ZNF276: variants seen among roughly 807,000 people sequenced by gnomAD.
ZNF276 encodes centromere protein Z.
In ZNF276, 59 loss-of-function variants were observed where a neutral mutation model predicts 63.9. That is an observed-to-expected ratio of 0.92 (90% CI 0.75 to 1.15). ZNF276 has a LOEUF of 1.15. Ranked by LOEUF, ZNF276 falls within the 50% of genes most tolerant of loss-of-function variation. The pLI is 0.00. For synonymous variants in ZNF276, 496 were observed against 348.4 expected (o/e 1.42, Z -4.72); for missense variants, 1,084 against 843.8 (o/e 1.28, Z -3.53).
chr16:89,730,567 G>A (rs2151683906), intron 6 of ZNF276, among the ~76,000 whole-genome samples: 1 of 152,274 alleles, frequency 6.6e-6, no homozygotes, highest in Non-Finnish European at 1.5e-5. Flanking sequence ...TAGTCCCTCT[G>A]GGACCCCAGG....
chr16:89,739,330 G>C lies in ZNF276; in HGVS notation c.*1084G>C, dbSNP rs2062061925. On this transcript the variant is annotated 3_prime_UTR_variant, in exon 11 of 11. Coordinates refer to ENST00000443381, the MANE Select transcript of ZNF276 (RefSeq NM_001113525.2). Reference sequence around the variant, plus strand: ...TAGTGACAAATGGCTACAGACTGCTGGAAAGGTAGCAGGTGATGCCAAGGG... The same window carrying C: ...TAGTGACAAATGGCTACAGACTGCTCGAAAGGTAGCAGGTGATGCCAAGGG... 1 of 1,612,204 alleles carries C rather than the reference G, an allele frequency of 6.2e-7. No individual in the cohort carries two copies. The highest frequency in any genetic ancestry group is 1.3e-5 in the African/African-American group (1 of 74,908).
intron 9 of ZNF276, 135 bp downstream of exon 9, chr16:89,734,173 A>G (rs1749677302): frequency 2.8e-6 from 2 of 710,830 alleles, no homozygotes; most frequent in Non-Finnish European, 4.7e-6. Context: ...TTTGGTACTC[A>G]GTCACGTTGG....
At chr16:89,727,474 CCAAA>C (rs2061502645) in intron 5 of ZNF276, 117 bp downstream of exon 5, 11 of 1,209,534 alleles carry the variant, frequency 9.1e-6, no homozygotes, top group Non-Finnish European at 1.3e-5. Context: ...CCTTCAAAAA[CCAAA>C]CAGCCATCGT....
intron 9 of ZNF276, among the ~76,000 whole-genome samples, chr16:89,736,363 C>T (rs112186679): frequency 4.1e-5 from 6 of 147,994 alleles, no homozygotes; most frequent in East Asian, 2.0e-4. Flanking sequence ...CAGTCTGTGT[C>T]GCCCAGCCTG....
Position 89,739,237 on chromosome 16 carries a change from G to A in ZNF276, c.*991G>A, listed in dbSNP as rs1233684652. 6.2e-7 allele frequency: 1 copy of A among 1,614,170 alleles called. No homozygotes were observed. Among genetic ancestry groups the A allele is most frequent in the Non-Finnish European group, 8.5e-7 (1 of 1,180,042 alleles). On this transcript the variant is annotated 3_prime_UTR_variant, in exon 11 of 11. Coordinates refer to ENST00000443381, the MANE Select transcript of ZNF276 (RefSeq NM_001113525.2). ...TTCAAGTACATGTCCACAGCAACAT[G>A]CAGGAAGGCCTCTTCCCTGATGGCC...
Position 89,733,376 on chromosome 16 carries a change from C to G in ZNF276, c.1244C>G (p.Pro415Arg), listed in dbSNP as rs763778788. Residue 415 changes from proline (P) to arginine (R), a missense_variant, in exon 7 of 11, where the codon CCC (proline) becomes CGC (arginine). Coordinates refer to ENST00000443381, the MANE Select transcript of ZNF276 (RefSeq NM_001113525.2). The stretch of plus-strand genomic sequence containing the variant: ...CCAAGAATTCGGAAGAAGCCGGGAC[C>G]CAAGCCCGGATGGAAGAAGAAGCTT... ...EEPRIRKKPG[P>R]KPGWKKKLRC... 1 of 1,614,142 alleles carries G rather than the reference C, an allele frequency of 6.2e-7. No individual in the cohort carries two copies. Among genetic ancestry groups the G allele is most frequent in the South Asian group, 1.1e-5 (1 of 91,082 alleles).
intron 9 of ZNF276, among the ~76,000 whole-genome samples, chr16:89,735,652 C>T (rs564346127): frequency 6.6e-6 from 1 of 152,224 alleles, no homozygotes; most frequent in East Asian, 1.9e-4. Flanking sequence ...AGTAGGATTG[C>T]TTGAGGCCAG....
intron 5 of ZNF276, 82 bp from the exon 6 acceptor site, chr16:89,729,153 G>C (rs1197683669): frequency 7.3e-6 from 8 of 1,093,082 alleles, no homozygotes; most frequent in Non-Finnish European, 1.1e-5. Context: ...GGGTCCATTT[G>C]GTATCTTTAG....
Position 89,733,047 on chromosome 16 carries a change from GCGCCCT to G in ZNF276, c.1170-247_1170-242del, listed in dbSNP as rs896878122. On this transcript the variant is annotated intron_variant, in intron 6 of 10. Transcript: ENST00000443381. Reference sequence around the variant, plus strand: ...GTTTGCCCTGACCCTGCTGTACCCTGCGCCCTCGCCCTCTGCTGTGTTCACCCCTGA... The same window carrying G: ...GTTTGCCCTGACCCTGCTGTACCCTGCGCCCTCTGCTGTGTTCACCCCTGA... The G allele has an allele frequency of 1.5e-4, 71 of 482,164 alleles. 1 individual carries two copies. The highest frequency in any genetic ancestry group is 2.1e-4 in the Non-Finnish European group (57 of 265,832). 29.9% of individuals were successfully genotyped at this position (482,164 alleles called of 1,614,324 possible).
At chr16:89,734,871 A>G (rs1016164671) in intron 9 of ZNF276, among the ~76,000 whole-genome samples, 1 of 151,748 alleles carries the variant, frequency 6.6e-6, no homozygotes, top group Non-Finnish European at 1.5e-5. Flanking sequence ...TCAAAATGAC[A>G]AACTTGGCCG....
rs776274579 is a variant in ZNF276, at chr16:89,739,670, TG to T, written c.*1428del. On this transcript the variant is annotated 3_prime_UTR_variant, in exon 11 of 11. Transcript: ENST00000443381. Reference sequence around the variant, plus strand: ...GGGAGGCCTGGCTGTGGGGATAGTGTGGGGCGAACAGCCTGAGCTGAGGATA... The same window carrying T: ...GGGAGGCCTGGCTGTGGGGATAGTGTGGGCGAACAGCCTGAGCTGAGGATA... 109 of 1,510,276 alleles carry T rather than the reference TG, an allele frequency of 7.2e-5. No individual in the cohort carries two copies. Among genetic ancestry groups the T allele is most frequent in the Non-Finnish European group, 8.2e-5 (91 of 1,115,726 alleles). The allele number at this position is 1,510,276 out of a possible 1,614,324, so 93.6% of individuals were successfully genotyped here.
At chr16:89,734,114 C>A in intron 9 of ZNF276, 76 bp downstream of exon 9, 1 of 1,394,246 alleles carries the variant, frequency 7.2e-7, no homozygotes, top group South Asian at 1.2e-5. Context: ...TTCCTCATAC[C>A]CATCCCCGCC....
intron 4 of ZNF276, 36 bp from the exon 5 acceptor site, chr16:89,727,243 G>A (rs376107837): frequency 2.4e-5 from 39 of 1,599,678 alleles, no homozygotes; most frequent in Non-Finnish European, 3.2e-5. Context: ...TCTGTGCTCC[G>A]TGTTGGTAAC....
In ZNF276 at chr16:89,739,795, T is replaced by C. The variant is rs1390725371; in HGVS notation, c.*1549T>C. On this transcript the variant is annotated 3_prime_UTR_variant, in exon 11 of 11. Coordinates refer to ENST00000443381, the MANE Select transcript of ZNF276 (RefSeq NM_001113525.2). ...AGAGGCAGTCCCCATGATAGGCCCA[T>C]TGGTCCTGGGGTTGACCAGTGAGCC... The C allele has an allele frequency of 2.0e-6, 3 of 1,467,188 alleles. No homozygotes were observed. Among genetic ancestry groups the C allele is most frequent in the South Asian group, 2.8e-5 (2 of 71,684 alleles). The allele number at this position is 1,467,188 out of a possible 1,614,324, so 90.9% of individuals were successfully genotyped here.
chr16:89,728,654 T>A (rs185825672), intron 5 of ZNF276, among the ~76,000 whole-genome samples: 30 of 152,170 alleles, frequency 2.0e-4, no homozygotes, highest in Admixed American at 9.2e-4. Flanking sequence ...CGCCCGCCTC[T>A]GCCTCCCAAA....
upstream of ZNF276, chr16:89,720,515 A>G (rs1359996435): frequency 1.7e-6 from 2 of 1,148,678 alleles, no homozygotes; most frequent in Non-Finnish European, 2.1e-6. Flanking sequence ...GGTGGAGCCC[A>G]GGCTGTGATG....
In ZNF276 at chr16:89,740,831, G is replaced by A. The variant is rs143772894; in HGVS notation, c.*2585G>A. Reference sequence around the variant, plus strand: ...TTGAGGTCAGATGTGACGACAGCAGGCCCATCAAGGAGAAGAAGAAAAGGA... The same window carrying A: ...TTGAGGTCAGATGTGACGACAGCAGACCCATCAAGGAGAAGAAGAAAAGGA... On this transcript the variant is annotated 3_prime_UTR_variant, in exon 11 of 11. Transcript: ENST00000443381. 175 of 1,613,548 alleles carry A rather than the reference G, an allele frequency of 1.1e-4. No individual in the cohort carries two copies. The highest frequency in any genetic ancestry group is 1.4e-4 in the Non-Finnish European group (169 of 1,179,736).
intron 5 of ZNF276, 76 bp downstream of exon 5, chr16:89,727,433 GAA>G (rs1432369357): frequency 6.5e-7 from 1 of 1,527,440 alleles, no homozygotes; most frequent in East Asian, 2.3e-5. Context: ...AGGGGTGAGA[GAA>G]GAGTGGGTTT....
chr16:89,722,057 C>A (rs1212660932), intron 1 of ZNF276, among the ~76,000 whole-genome samples: 2 of 152,130 alleles, frequency 1.3e-5, no homozygotes, highest in Admixed American at 1.3e-4. Context: ...CCTCCCCGGC[C>A]GCGGGCTCGG....
Sources: gnomAD v4.1 joint callset for allele counts (sites outside exome capture counted in the v4.1 genomes callset) on GRCh38, gnomAD v4.1.1 for gene constraint, MANE v1.5 for transcripts, NCBI Gene and HGNC (gene_info 2026-07-23, HGNC 2026-07-21) for gene names.